TSPAN15: variants seen among roughly 807,000 people sequenced by gnomAD.
TSPAN15 encodes the protein tetraspanin-15.
Under a neutral mutation model 34.5 loss-of-function variants are expected in TSPAN15, and 20 were observed. That is an observed-to-expected ratio of 0.58 (90% CI 0.41 to 0.84). TSPAN15 has a LOEUF of 0.84. Among genes scored for constraint, TSPAN15 ranks in the 40% least tolerant of loss-of-function variants. The probability of loss-of-function intolerance (pLI) is 0.00; values close to 1 mark genes in which losing one functional copy is unlikely to be tolerated. For missense variants in TSPAN15, 313 were observed against 386.1 expected, an observed-to-expected ratio of 0.81 and a Z score of 1.59; for synonymous variants, 155 against 153.9, an observed-to-expected ratio of 1.01 and a Z score of -0.05.
chr10:69,515,521 G>T, the TSPAN15 span, among the ~76,000 whole-genome samples: 50 of 152,270 alleles, frequency 3.3e-4, no homozygotes, highest in African/African-American at 1.1e-3. Flanking sequence ...CACCCATTTT[G>T]CAGGAGAGGA....
chr10:69,488,147 C>T (rs1841893640), intron 3 of TSPAN15, among the ~76,000 whole-genome samples: 1 of 152,156 alleles, frequency 6.6e-6, no homozygotes, highest in South Asian at 2.1e-4. Context: ...TTTCTCCTCC[C>T]CTTTATATTT....
At chr10:69,476,052 T>C (rs1204144118) in intron 1 of TSPAN15, among the ~76,000 whole-genome samples, 1 of 152,156 alleles carries the variant, frequency 6.6e-6, no homozygotes, top group African/African-American at 2.4e-5. Context: ...AACGGATCTA[T>C]AGATTCATTC....
chr10:69,480,381 C>T (rs1564606668), intron 1 of TSPAN15, among the ~76,000 whole-genome samples: 1 of 152,078 alleles, frequency 6.6e-6, no homozygotes. Context: ...AAAAGTATAT[C>T]GGGCCAGTTC....
the TSPAN15 span, among the ~76,000 whole-genome samples, chr10:69,529,891 C>T: frequency 6.8e-6 from 1 of 146,238 alleles, no homozygotes; most frequent in South Asian, 2.2e-4. Flanking sequence ...ATTCTTATGC[C>T]TTTGCATCCT....
chr10:69,520,602 G>A, the TSPAN15 span, among the ~76,000 whole-genome samples: 1 of 152,222 alleles, frequency 6.6e-6, no homozygotes, highest in South Asian at 2.1e-4. Context: ...GTTGTAGTGA[G>A]CCGAGATTGC....
At chr10:69,545,158 C>T in the TSPAN15 span, among the ~76,000 whole-genome samples, 40 of 152,318 alleles carry the variant, frequency 2.6e-4, no homozygotes, top group East Asian at 1.2e-3. Context: ...CCAAGGATGG[C>T]ACAGTGCTAG....
intron 5 of TSPAN15, among the ~76,000 whole-genome samples, chr10:69,501,412 A>G (rs962237532): frequency 6.6e-6 from 1 of 152,190 alleles, no homozygotes; most frequent in African/African-American, 2.4e-5. Flanking sequence ...CCACACCTGG[A>G]TGATTTTCTC....
chr10:69,538,279 G>A, the TSPAN15 span, among the ~76,000 whole-genome samples: 2 of 152,208 alleles, frequency 1.3e-5, no homozygotes, highest in East Asian at 3.9e-4. Context: ...GCTGAATGTG[G>A]GTCGGAGAAA....
chr10:69,480,268 G>C (rs141551602), intron 1 of TSPAN15, among the ~76,000 whole-genome samples: 1 of 152,164 alleles, frequency 6.6e-6, no homozygotes, highest in South Asian at 2.1e-4. Context: ...AGGAGGAATG[G>C]GAACAGGATG....
downstream of TSPAN15, among the ~76,000 whole-genome samples, chr10:69,507,972 C>T (rs1842371484): frequency 6.6e-6 from 1 of 152,140 alleles, no homozygotes; most frequent in South Asian, 2.1e-4. Flanking sequence ...ACCTACCGCG[C>T]TCCCTGCAGC....
At chr10:69,461,828 A>G (rs1841264585) in intron 1 of TSPAN15, among the ~76,000 whole-genome samples, 1 of 152,046 alleles carries the variant, frequency 6.6e-6, no homozygotes, top group Non-Finnish European at 1.5e-5. Flanking sequence ...GTCAAAAGAC[A>G]GGAACTTCTT....
chr10:69,545,139 G>T, the TSPAN15 span, among the ~76,000 whole-genome samples: 1 of 152,324 alleles, frequency 6.6e-6, no homozygotes, highest in Admixed American at 6.5e-5. Flanking sequence ...TCCCAAAGGA[G>T]TTTAGGCCCC....
chr10:69,514,989 T>G, the TSPAN15 span, among the ~76,000 whole-genome samples: 2 of 152,222 alleles, frequency 1.3e-5, no homozygotes, highest in African/African-American at 4.8e-5. Flanking sequence ...TAGACTCTTG[T>G]CCCACTTGCC....
intron 1 of TSPAN15, among the ~76,000 whole-genome samples, chr10:69,478,039 G>A (rs1259029840): frequency 1.3e-5 from 2 of 152,186 alleles, no homozygotes; most frequent in Non-Finnish European, 2.9e-5. Context: ...CAAGGGTACT[G>A]AGCTCACCCA....
the TSPAN15 span, among the ~76,000 whole-genome samples, chr10:69,528,088 A>G: frequency 0.56 from 81,740 of 146,866 alleles, 26,027 homozygotes; most frequent in African/African-American, 0.65. Flanking sequence ...TCCCATGCCT[A>G]CCAAGGGCCA....
intron 1 of TSPAN15, among the ~76,000 whole-genome samples, chr10:69,456,169 C>T (rs1159247875): frequency 6.6e-6 from 1 of 151,932 alleles, no homozygotes; most frequent in Non-Finnish European, 1.5e-5. Context: ...CTCACTGCAG[C>T]CTCTGCCTTC....
At chr10:69,513,908 C>G in the TSPAN15 span, among the ~76,000 whole-genome samples, 1 of 152,218 alleles carries the variant, frequency 6.6e-6, no homozygotes, top group East Asian at 1.9e-4. Context: ...AGGTTTACTT[C>G]TGGATTTCTC....
At chr10:69,477,924 A>G (rs1841651028) in intron 1 of TSPAN15, among the ~76,000 whole-genome samples, 1 of 152,196 alleles carries the variant, frequency 6.6e-6, no homozygotes, top group Admixed American at 6.5e-5. Context: ...TGATGCAGGT[A>G]TGACCCCTGA....
At chr10:69,536,721 G>C in the TSPAN15 span, among the ~76,000 whole-genome samples, 1 of 151,944 alleles carries the variant, frequency 6.6e-6, no homozygotes, top group African/African-American at 2.4e-5. Flanking sequence ...ATGGTGGCTC[G>C]TGCCTGTAAT....
Sources: allele counts gnomAD v4.1 joint callset (sites outside exome capture counted in the v4.1 genomes callset), GRCh38; gene constraint gnomAD v4.1.1; transcripts MANE v1.5; gene names NCBI Gene and HGNC (gene_info 2026-07-23, HGNC 2026-07-21).